KCNMB3: variants seen among roughly 807,000 people sequenced by gnomAD.
KCNMB3 encodes the protein potassium calcium-activated channel subfamily M regulatory beta subunit 3.
A neutral mutation model predicts 11.9 loss-of-function variants in KCNMB3; 18 were observed. That is an observed-to-expected ratio of 1.51 (90% CI 1.04 to 2.23). KCNMB3 has a LOEUF of 2.23. Among genes scored for constraint, KCNMB3 ranks in the 30% most tolerant of loss-of-function variants. KCNMB3 has a pLI of 0.00. For missense variants in KCNMB3, 247 were observed against 329.4 expected, an observed-to-expected ratio of 0.75 and a Z score of 1.94; for synonymous variants, 78 against 119.2, an observed-to-expected ratio of 0.65 and a Z score of 2.25.
At chr3:179,249,651 G>A (rs188169211) in intron 1 of KCNMB3, among the ~76,000 whole-genome samples, 186 of 152,276 alleles carry the variant, frequency 1.2e-3, no homozygotes, top group African/African-American at 4.3e-3. Context: ...CCAGCCTGGC[G>A]ACAGAGCAAG....
intron 1 of KCNMB3, among the ~76,000 whole-genome samples, chr3:179,247,708 A>T (rs758705648): frequency 1.5e-4 from 23 of 152,144 alleles, no homozygotes; most frequent in Non-Finnish European, 3.1e-4. Flanking sequence ...TCCTGGTGCT[A>T]ATACCAGAGA....
chr3:179,253,011 T>G (rs1725898660), upstream of KCNMB3, among the ~76,000 whole-genome samples: 1 of 152,208 alleles, frequency 6.6e-6, no homozygotes, highest in Admixed American at 6.5e-5. Context: ...ATTACAGGTG[T>G]GAGCCACTGC....
In KCNMB3 at chr3:179,244,618, G is replaced by T. The variant is rs149683915; in HGVS notation, c.324C>A (p.Thr108=). The change falls in exon 2 of 3, where the codon ACC becomes ACA. Residue 108 remains threonine (T), a synonymous_variant. Coordinates refer to ENST00000392685, the MANE Select transcript of KCNMB3 (RefSeq NM_171830.2). ...CCTGACCGTGGCAGTGCACACCACA[G>T]GTGAAGGCACAGTCCAGCCAGTCGT... ...IMDDWLDCAF[T]CGVHCHGQGK... is the part of the protein sequence containing the mutation. The T allele has an allele frequency of 9.3e-6, 15 of 1,614,158 alleles. No individual in the cohort carries two copies. Among genetic ancestry groups the T allele is most frequent in the Middle Eastern group, 3.3e-4 (2 of 6,062 alleles).
At chr3:179,260,755 T>A (rs1033782608) in intron 1 of KCNMB3, 11 of 1,435,268 alleles carry the variant, frequency 7.7e-6, no homozygotes, top group Non-Finnish European at 1.1e-5. Context: ...GAAACTGCAG[T>A]ATACTGTGGG....
intron 1 of KCNMB3, chr3:179,260,426 T>C (rs1380357624): frequency 1.9e-6 from 3 of 1,613,918 alleles, no homozygotes; most frequent in South Asian, 1.1e-5. Context: ...CAGCAGTGAA[T>C]ACCTCTATGT....
chr3:179,251,401 G>A (rs967594130), upstream of KCNMB3: 2 of 1,425,194 alleles, frequency 1.4e-6, no homozygotes, highest in Admixed American at 5.8e-5. Context: ...TTCACCTGTT[G>A]GAAAGGCAGC....
intron 1 of KCNMB3, among the ~76,000 whole-genome samples, chr3:179,263,368 C>T (rs1042940592): frequency 1.3e-5 from 2 of 152,256 alleles, no homozygotes; most frequent in Non-Finnish European, 2.9e-5. Flanking sequence ...GCGCACAGCC[C>T]GGGTTCCCGC....
chr3:179,266,520 G>C (rs1206345427), intron 1 of KCNMB3: 10 of 1,022,944 alleles, frequency 9.8e-6, no homozygotes, highest in Non-Finnish European at 1.4e-5. Flanking sequence ...TACCCTGGGA[G>C]GCATGGCAAG....
At chr3:179,257,715 C>G (rs1262675107) in intron 1 of KCNMB3, among the ~76,000 whole-genome samples, 3 of 152,172 alleles carry the variant, frequency 2.0e-5, no homozygotes, top group East Asian at 3.9e-4. Flanking sequence ...GGTTCAAAAA[C>G]TTTTTCTTTT....
upstream of KCNMB3, among the ~76,000 whole-genome samples, chr3:179,255,258 A>G (rs986229349): frequency 1.3e-5 from 2 of 151,866 alleles, no homozygotes; most frequent in Non-Finnish European, 2.9e-5. Flanking sequence ...AAAAAAATAG[A>G]CCACAAAATG....
At chr3:179,252,784 T>C (rs1182447248), upstream of KCNMB3, among the ~76,000 whole-genome samples, 2 of 148,110 alleles carry the variant, frequency 1.4e-5, no homozygotes, top group East Asian at 4.0e-4. Context: ...CAGGCTGGAG[T>C]GCAGTGGGGC....
At chr3:179,263,292 G>A (rs762482179) in intron 1 of KCNMB3, among the ~76,000 whole-genome samples, 85 of 152,366 alleles carry the variant, frequency 5.6e-4, no homozygotes, top group Non-Finnish European at 9.7e-4. Flanking sequence ...TAGGCCGGTC[G>A]GCCACTCGGA....
chr3:179,240,025 A>G (rs1367714665), downstream of KCNMB3: 4 of 1,548,192 alleles, frequency 2.6e-6, no homozygotes, highest in Admixed American at 3.9e-5. Context: ...GAAACTGTCA[A>G]TGTCTGCTTT....
intron 1 of KCNMB3, chr3:179,259,989 T>C (rs1004727274): frequency 6.2e-6 from 10 of 1,612,878 alleles, no homozygotes; most frequent in Admixed American, 1.7e-5. Flanking sequence ...TGGAACCTCC[T>C]TGGGCTCAGC....
chr3:179,246,509 T>C (rs1029546444), intron 1 of KCNMB3, among the ~76,000 whole-genome samples: 13 of 152,182 alleles, frequency 8.5e-5, no homozygotes, highest in Non-Finnish European at 1.6e-4. Flanking sequence ...TTTTCCCTTA[T>C]TAATATAACA....
At chr3:179,263,908 C>T (rs773492901) in intron 1 of KCNMB3, among the ~76,000 whole-genome samples, 2 of 142,306 alleles carry the variant, frequency 1.4e-5, no homozygotes, top group Non-Finnish European at 3.0e-5. Context: ...CGGGTTCAAG[C>T]AATTCTCCTG....
At chr3:179,258,331 G>A (rs1364618387) in intron 1 of KCNMB3, among the ~76,000 whole-genome samples, 1 of 152,196 alleles carries the variant, frequency 6.6e-6, no homozygotes, top group Non-Finnish European at 1.5e-5. Context: ...CTCCTACAAA[G>A]TAAATTCAAG....
chr3:179,249,302 C>T (rs1200487817), intron 1 of KCNMB3, among the ~76,000 whole-genome samples: 12 of 149,374 alleles, frequency 8.0e-5, no homozygotes, highest in African/African-American at 2.0e-4. Flanking sequence ...CGTGAGCCAC[C>T]GCGCCTGGCC....
At position 179,242,894 on chromosome 3, in the gene KCNMB3, G is replaced by A. The variant is rs377075550; in HGVS notation, c.*10C>T. 24 of 1,570,618 alleles carry A rather than the reference G, an allele frequency of 1.5e-5. No individual in the cohort carries two copies. In the African/African-American group the frequency reaches 3.1e-4, roughly 20 times the overall value. ...CATCTGAAGGCCAGCACTTTAATTT[G>A]GCCACCGTCTTAAGATTTCTCTGCT... On this transcript the variant is annotated 3_prime_UTR_variant, in exon 3 of 3. Transcript: ENST00000392685.
Sources: gnomAD v4.1 joint callset for allele counts (sites outside exome capture counted in the v4.1 genomes callset) on GRCh38, gnomAD v4.1.1 for gene constraint, MANE v1.5 for transcripts, NCBI Gene and HGNC (gene_info 2026-07-23, HGNC 2026-07-21) for gene names.